SNX29: variants seen among roughly 807,000 people sequenced by gnomAD.
SNX29 encodes the protein sorting nexin 29, also known as sorting nexin-29.
A neutral mutation model predicts 102.1 loss-of-function variants in SNX29; 78 were observed. That is an observed-to-expected ratio of 0.76 (90% confidence interval 0.64 to 0.92). The LOEUF (loss-of-function observed/expected upper bound fraction) is 0.92, where lower values mean the gene tolerates loss of function less well. Among genes scored for constraint, SNX29 ranks in the 40% least tolerant of loss-of-function variants. The pLI, the probability that SNX29 is intolerant of heterozygous loss-of-function variation, is 0.00. For synonymous variants in SNX29, 580 were observed against 414.5 expected (o/e 1.40, Z -4.85); for missense variants, 1,280 against 1,061.7 (o/e 1.21, Z -2.86).
intron 13 of SNX29, among the ~76,000 whole-genome samples, chr16:12,153,661 A>G (rs1400567212): frequency 4.1e-5 from 6 of 147,346 alleles, no homozygotes; most frequent in Admixed American, 3.4e-4. Context: ...TTTTTTTAGT[A>G]GAGATGGGGT....
intron 15 of SNX29, among the ~76,000 whole-genome samples, chr16:12,305,697 T>G (rs1183471952): frequency 6.6e-6 from 1 of 152,240 alleles, no homozygotes; most frequent in Admixed American, 6.5e-5. Flanking sequence ...TGCACCTAGA[T>G]GCCTGGGTGT....
intron 20 of SNX29, among the ~76,000 whole-genome samples, chr16:12,566,956 G>A (rs752494760): frequency 1.3e-5 from 2 of 152,240 alleles, no homozygotes; most frequent in Admixed American, 6.5e-5. Context: ...AACTTGAAAC[G>A]AGGGATCTCA....
chr16:12,230,094 C>G (rs138785374), intron 14 of SNX29, among the ~76,000 whole-genome samples: 1 of 152,136 alleles, frequency 6.6e-6, no homozygotes, highest in Non-Finnish European at 1.5e-5. Flanking sequence ...TGCATCAGCC[C>G]GGATTTAGCC....
At chr16:12,160,694 TA>T (rs35488704) in intron 13 of SNX29, among the ~76,000 whole-genome samples, 24,064 of 152,198 alleles carry the variant, frequency 0.16, 2,096 homozygotes, top group East Asian at 0.27. Context: ...ACATGCACTT[TA>T]AAAGGGTGAA....
At chr16:12,240,140 G>A (rs1283640175) in intron 14 of SNX29, among the ~76,000 whole-genome samples, 1 of 152,202 alleles carries the variant, frequency 6.6e-6, no homozygotes, top group African/African-American at 2.4e-5. Context: ...CCCACGGCTA[G>A]GCACTGAAGT....
rs764465474 is a variant in SNX29, at chr16:12,477,710, T to C, written c.2038-9T>C. 6.2e-7 allele frequency: 1 copy of C among 1,607,456 alleles called. No individual in the cohort carries two copies. ...TTAAGAGGAATTCACATTTTCTCTTTCTTGACAGGTCTACATCCGGATAAA... is the reference window on the plus strand; with the variant it reads ...TTAAGAGGAATTCACATTTTCTCTTCCTTGACAGGTCTACATCCGGATAAA... On this transcript the variant is annotated splice_polypyrimidine_tract_variant and intron_variant, in intron 18 of 20. Transcript: ENST00000566228.
chr16:12,082,076 C>T (rs149514662), intron 11 of SNX29, among the ~76,000 whole-genome samples: 139 of 152,272 alleles, frequency 9.1e-4, no homozygotes, highest in African/African-American at 3.2e-3. Context: ...TGGGATCTAA[C>T]GCCACATCGC....
At chr16:12,056,666 GT>G (rs1357166871) in intron 8 of SNX29, among the ~76,000 whole-genome samples, 2 of 152,238 alleles carry the variant, frequency 1.3e-5, no homozygotes, top group South Asian at 4.2e-4. Context: ...TGGTTTACTG[GT>G]CATTAACCCA....
intron 13 of SNX29, among the ~76,000 whole-genome samples, chr16:12,160,561 G>A (rs562984399): frequency 1.3e-4 from 20 of 152,316 alleles, no homozygotes; most frequent in Admixed American, 9.8e-4. Flanking sequence ...CGTGGTTGGG[G>A]TGTGGGTGGT....
chr16:12,464,537 T>A lies in SNX29; in HGVS notation c.2038-13182T>A, dbSNP rs1009581233. On this transcript the variant is annotated intron_variant, in intron 18 of 20. Coordinates refer to ENST00000566228, the MANE Select transcript of SNX29 (RefSeq NM_032167.5). ...GATGCGATCACAGCTCACTGCAGCC[T>A]CCACCTCCTGGGCTCAAGCGATCCT... 4.6e-5 allele frequency among the ~76,000 whole-genome samples: 7 copies of A among 152,250 alleles called. No homozygotes were observed. In the South Asian group the frequency reaches 1.5e-3, roughly 32 times the overall value.
chr16:12,535,983 G>C (rs1042991596), intron 20 of SNX29, among the ~76,000 whole-genome samples: 3 of 152,124 alleles, frequency 2.0e-5, no homozygotes, highest in Non-Finnish European at 4.4e-5. Flanking sequence ...TGAGAAAAGG[G>C]GTCTTTGATA....
chr16:12,079,623 C>A (rs193109976), intron 11 of SNX29, among the ~76,000 whole-genome samples: 13 of 152,154 alleles, frequency 8.5e-5, no homozygotes, highest in Non-Finnish European at 1.8e-4. Context: ...CTATGTAAAC[C>A]AACAGTTGGT....
At chr16:12,447,564 C>T (rs1483133258) in intron 18 of SNX29, among the ~76,000 whole-genome samples, 1 of 152,180 alleles carries the variant, frequency 6.6e-6, no homozygotes, top group African/African-American at 2.4e-5. Context: ...ACAGTGTAAA[C>T]CAGCAGCCTG....
At chr16:12,075,960 C>A (rs910872094) in intron 10 of SNX29, among the ~76,000 whole-genome samples, 2 of 152,236 alleles carry the variant, frequency 1.3e-5, no homozygotes, top group African/African-American at 4.8e-5. Context: ...GGGTGTAGGA[C>A]CCTCCGAGCC....
chr16:12,201,488 G>A (rs2076913968), intron 14 of SNX29, among the ~76,000 whole-genome samples: 1 of 152,222 alleles, frequency 6.6e-6, no homozygotes, highest in South Asian at 2.1e-4. Context: ...AGAGGCTTAG[G>A]AGAGCTTAAG....
intron 20 of SNX29, among the ~76,000 whole-genome samples, chr16:12,539,415 G>C (rs1007145916): frequency 1.3e-5 from 2 of 152,160 alleles, no homozygotes; most frequent in African/African-American, 4.8e-5. Flanking sequence ...TCAAGTCGTT[G>C]GGTGAGTCAG....
chr16:12,194,358 G>A (rs1270669326), intron 13 of SNX29, among the ~76,000 whole-genome samples: 2 of 152,134 alleles, frequency 1.3e-5, no homozygotes, highest in African/African-American at 2.4e-5. Flanking sequence ...TGAAAAACTC[G>A]GTTATTCTGT....
chr16:12,072,768 G>A (rs575281336), intron 10 of SNX29, among the ~76,000 whole-genome samples: 5 of 152,104 alleles, frequency 3.3e-5, no homozygotes, highest in Admixed American at 1.3e-4. Context: ...TGTACCTGTC[G>A]TAGAATTCGG....
intron 15 of SNX29, among the ~76,000 whole-genome samples, chr16:12,295,039 C>CAACA (rs1242797255): frequency 6.6e-6 from 1 of 152,136 alleles, no homozygotes; most frequent in Non-Finnish European, 1.5e-5. Flanking sequence ...CCTATAAAAC[C>CAACA]AACACATCTC....
Sources: allele counts gnomAD v4.1 joint callset (sites outside exome capture counted in the v4.1 genomes callset), GRCh38; gene constraint gnomAD v4.1.1; transcripts MANE v1.5; gene names NCBI Gene and HGNC (gene_info 2026-07-23, HGNC 2026-07-21).